ALKBH1: variants seen among roughly 807,000 people sequenced by gnomAD.
ALKBH1 encodes the protein nucleic acid dioxygenase ALKBH1.
Under a neutral mutation model 36.6 loss-of-function variants are expected in ALKBH1, and 31 were observed. The ratio of observed to expected loss-of-function variants is 0.85; its 90% CI spans 0.64 to 1.14. The LOEUF (loss-of-function observed/expected upper bound fraction) is 1.14. Among genes scored for constraint, ALKBH1 ranks in the 50% most tolerant of loss-of-function variants. ALKBH1 has a pLI of 0.00. For missense variants in ALKBH1, 490 were observed against 497.3 expected, an observed-to-expected ratio of 0.99 and a Z score of 0.14; for synonymous variants, 183 against 186.6, an observed-to-expected ratio of 0.98 and a Z score of 0.16.
chr14:77,673,363 T>G lies in ALKBH1; in HGVS notation c.*449A>C. 6.2e-6 allele frequency: 1 copy of G among 160,934 alleles called. No individual in the cohort carries two copies. The highest frequency in any genetic ancestry group is 1.8e-4 in the East Asian group (1 of 5,574). The allele number at this position is 160,934 out of a possible 1,614,324, so 10.0% of individuals were successfully genotyped here. ...AAGAATTTGATGATGCCTGAGGGAG[T>G]TAAGAAGATGAGACTAATAGCTGGT... is the stretch of plus-strand genomic sequence containing the variant. On this transcript the variant is annotated 3_prime_UTR_variant, in exon 6 of 6. Coordinates refer to ENST00000216489, the MANE Select transcript of ALKBH1 (RefSeq NM_006020.3).
chr14:77,701,820 C>T (rs529943395), intron 2 of ALKBH1, among the ~76,000 whole-genome samples: 1 of 152,140 alleles, frequency 6.6e-6, no homozygotes, highest in Non-Finnish European at 1.5e-5. Flanking sequence ...AGAATAAACT[C>T]TCCAAGGATA....
intron 2 of ALKBH1, among the ~76,000 whole-genome samples, chr14:77,697,753 C>T (rs1566816819): frequency 6.7e-6 from 1 of 150,306 alleles, no homozygotes; most frequent in South Asian, 2.1e-4. Flanking sequence ...CTGGCCGATG[C>T]CTGTAATCCT....
At chr14:77,692,615 T>G (rs2080303615) in intron 3 of ALKBH1, among the ~76,000 whole-genome samples, 1 of 152,148 alleles carries the variant, frequency 6.6e-6, no homozygotes, top group Non-Finnish European at 1.5e-5. Context: ...GGGACCCCCC[T>G]GCTCTACATC....
intron 3 of ALKBH1, chr14:77,683,517 A>G: frequency 1.5e-6 from 1 of 662,158 alleles, no homozygotes; most frequent in South Asian, 1.5e-5. Context: ...GGCAACATTT[A>G]TGGGCCATTC....
intron 3 of ALKBH1, chr14:77,683,618 C>T (rs556207246): frequency 1.7e-5 from 6 of 351,002 alleles, no homozygotes; most frequent in Non-Finnish European, 2.7e-5. Context: ...GTCACCTAGG[C>T]TGGAGTGCAG....
At chr14:77,688,929 CACT>C (rs1233816650) in intron 3 of ALKBH1, among the ~76,000 whole-genome samples, 1 of 149,634 alleles carries the variant, frequency 6.7e-6, no homozygotes, top group Non-Finnish European at 1.5e-5. Context: ...CAATTTCCTC[CACT>C]ACCAGAGTTA....
chr14:77,692,361 T>C (rs1010668123), intron 3 of ALKBH1, among the ~76,000 whole-genome samples: 23 of 149,904 alleles, frequency 1.5e-4, no homozygotes, highest in Admixed American at 2.1e-4. Flanking sequence ...GGGGACCAGT[T>C]TCATGGAAGA....
At chr14:77,695,204 T>TA (rs759689956) in intron 2 of ALKBH1, among the ~76,000 whole-genome samples, 6 of 152,198 alleles carry the variant, frequency 3.9e-5, no homozygotes, top group Non-Finnish European at 7.3e-5. Flanking sequence ...TCTTGACACT[T>TA]AGAGTCATCC....
intron 3 of ALKBH1, among the ~76,000 whole-genome samples, chr14:77,692,796 G>GTATT (rs10638828): frequency 0.19 from 28,885 of 150,138 alleles, 2,898 homozygotes; most frequent in East Asian, 0.27. Flanking sequence ...CTACCAAATT[G>GTATT]TATTTATTTA....
rs554867041 is a variant in ALKBH1 at position 77,701,691 on chromosome 14, G to A, written c.292+2678C>T. On this transcript the variant is annotated intron_variant, in intron 2 of 5. Transcript: ENST00000216489. The stretch of plus-strand genomic sequence containing the variant: ...AATCCTTTTGATCAACTCAGAGTAA[G>A]AAGAGACTGTTCTCTCCTGTATTTT... Among the ~76,000 whole-genome samples, 3 of 152,250 alleles carry A rather than the reference G, an allele frequency of 2.0e-5. No individual in the cohort carries two copies. In the South Asian group the frequency reaches 6.2e-4, roughly 32 times the overall value.
At chr14:77,696,288 A>C (rs1441592205) in intron 2 of ALKBH1, among the ~76,000 whole-genome samples, 1 of 151,990 alleles carries the variant, frequency 6.6e-6, no homozygotes, top group Non-Finnish European at 1.5e-5. Flanking sequence ...TCCCGGGTTC[A>C]AGTGATTCTC....
intron 4 of ALKBH1, 57 bp downstream of exon 4, chr14:77,679,823 A>G: frequency 7.9e-7 from 1 of 1,268,734 alleles, no homozygotes; most frequent in Non-Finnish European, 1.1e-6. Flanking sequence ...AAATACAACT[A>G]TGTGGGCTAA....
At chr14:77,707,429 G>A (rs1269731601) in intron 1 of ALKBH1, among the ~76,000 whole-genome samples, 1 of 152,216 alleles carries the variant, frequency 6.6e-6, no homozygotes, top group Non-Finnish European at 1.5e-5. Flanking sequence ...TTAACAAACA[G>A]CGCCGCATCC....
chr14:77,676,731 A>T (rs1006166104), intron 4 of ALKBH1, among the ~76,000 whole-genome samples: 5 of 152,194 alleles, frequency 3.3e-5, no homozygotes, highest in African/African-American at 1.2e-4. Flanking sequence ...TATCTTCTCA[A>T]CTTTTCTGCA....
At chr14:77,688,672 A>G (rs2080281756) in intron 3 of ALKBH1, among the ~76,000 whole-genome samples, 1 of 151,524 alleles carries the variant, frequency 6.6e-6, no homozygotes. Flanking sequence ...CCCACGTTCA[A>G]GCGATTCTCT....
chr14:77,689,885 T>C (rs1595053832), intron 3 of ALKBH1, among the ~76,000 whole-genome samples: 1 of 151,214 alleles, frequency 6.6e-6, no homozygotes, highest in East Asian at 1.9e-4. Context: ...AAACAAAAAA[T>C]AGACAGAAAA....
chr14:77,680,105 GAGAT>G, intron 3 of ALKBH1, 135 bp from the exon 4 acceptor site: 2 of 637,582 alleles, frequency 3.1e-6, no homozygotes, highest in East Asian at 5.4e-5. Context: ...GAAATTAGAA[GAGAT>G]AAATGAGTAG....
rs974527441 is a variant in ALKBH1 at position 77,674,192 on chromosome 14, C to T, written c.790G>A (p.Ala264Thr). 3.1e-6 allele frequency: 5 copies of T among 1,613,418 alleles called. No individual in the cohort carries two copies. Among genetic ancestry groups the T allele is most frequent in the Non-Finnish European group, 4.2e-6 (5 of 1,179,652 alleles). The change falls in exon 6 of 6, where the codon GCC becomes ACC. Residue 264 changes from alanine (A) to threonine (T), a missense_variant. Coordinates refer to ENST00000216489, the MANE Select transcript of ALKBH1 (RefSeq NM_006020.3). ...FLLGGLQRDE[A>T]PTAMFMHSGD... ...CTGTGCATAAACATGGCCGTGGGGG[C>T]CTCATCCCTTTGAAGACCACCCAGG...
intron 3 of ALKBH1, among the ~76,000 whole-genome samples, chr14:77,687,294 T>A (rs529273642): frequency 2.6e-5 from 4 of 152,322 alleles, no homozygotes; most frequent in African/African-American, 9.6e-5. Flanking sequence ...CTATACTATA[T>A]CCTATTTCCC....
Sources: allele counts gnomAD v4.1 joint callset (sites outside exome capture counted in the v4.1 genomes callset), GRCh38; gene constraint gnomAD v4.1.1; transcripts MANE v1.5; gene names NCBI Gene and HGNC (gene_info 2026-07-23, HGNC 2026-07-21).